Variants in COL4A4 observed in about 807,000 individuals in gnomAD.
COL4A4 encodes collagen alpha-4(IV) chain.
A neutral mutation model predicts 192.9 loss-of-function variants in COL4A4; 105 were observed. That is an observed-to-expected ratio of 0.54 (90% CI 0.46 to 0.64). The LOEUF (loss-of-function observed/expected upper bound fraction) is 0.64, where lower values mean the gene tolerates loss of function less well. COL4A4 is among the 30% of genes least tolerant of loss of function. The pLI is 0.00. For missense variants in COL4A4, 1,967 were observed against 2,169.3 expected, an observed-to-expected ratio of 0.91 and a Z score of 1.85; for synonymous variants, 762 against 769.9, an observed-to-expected ratio of 0.99 and a Z score of 0.17.
At chr2:227,157,298 C>T (rs2125514883) in intron 1 of COL4A4, among the ~76,000 whole-genome samples, 1 of 152,002 alleles carries the variant, frequency 6.6e-6, no homozygotes, top group African/African-American at 2.4e-5. Flanking sequence ...GCAACTAACC[C>T]AGTGCAGAAA....
intron 29 of COL4A4, among the ~76,000 whole-genome samples, chr2:227,056,888 A>C (rs536850689): frequency 6.6e-6 from 1 of 152,342 alleles, no homozygotes; most frequent in East Asian, 1.9e-4. Flanking sequence ...TGGACTTCCC[A>C]GCCTCCTGAG....
chr2:227,054,565 T>G (rs1001168403), intron 31 of COL4A4, 29 bp downstream of exon 31: 3 of 1,613,648 alleles, frequency 1.9e-6, no homozygotes, highest in Non-Finnish European at 1.7e-6. Flanking sequence ...CAGAAACAAA[T>G]GCATGTTGCA....
chr2:227,061,399 A>C (rs529037350), intron 26 of COL4A4, among the ~76,000 whole-genome samples: 9 of 152,180 alleles, frequency 5.9e-5, no homozygotes, highest in Non-Finnish European at 1.3e-4. Flanking sequence ...AGAGGTGTGG[A>C]GGGAGCCTGT....
At position 227,084,884 on chromosome 2, in the gene COL4A4, C is replaced by A. The variant is rs895323327; in HGVS notation, c.1624-2697G>T. 7.9e-5 allele frequency among the ~76,000 whole-genome samples: 12 copies of A among 152,242 alleles called. No homozygotes were observed. The South Asian group carries it at 2.3e-3, about 29-fold the overall frequency. On this transcript the variant is annotated intron_variant, in intron 22 of 47. Coordinates refer to ENST00000396625, the MANE Select transcript of COL4A4 (RefSeq NM_000092.5). The stretch of plus-strand genomic sequence containing the variant: ...CGGTGGCTCATGCCTGTAATCCCAG[C>A]ACTTTGGGAGGCTGAAGTGGGAAGA...
chr2:226,972,248 G>T, the COL4A4 span, among the ~76,000 whole-genome samples: 3 of 152,118 alleles, frequency 2.0e-5, no homozygotes, highest in African/African-American at 7.2e-5. Context: ...TCCCTGCAAA[G>T]GACATGATCT....
In COL4A4 at chr2:227,059,396, C is replaced by G. The variant is rs746435134; in HGVS notation, c.2383+9G>C. On this transcript the variant is annotated intron_variant, in intron 28 of 47. Transcript: ENST00000396625. ...TCTATGCACCAAAAGGACAGCAAAG[C>G]CCTCATACCTTCAGCCCCTGGACAT... The G allele has an allele frequency of 1.2e-5, 20 of 1,611,998 alleles. No individual in the cohort carries two copies. The highest frequency in any genetic ancestry group is 1.6e-5 in the Non-Finnish European group (19 of 1,178,124).
intron 29 of COL4A4, among the ~76,000 whole-genome samples, chr2:227,057,196 A>G (rs1169517622): frequency 1.3e-5 from 2 of 152,204 alleles, no homozygotes; most frequent in Non-Finnish European, 2.9e-5. Flanking sequence ...TCCTTGGCTC[A>G]GGGCTCCTCT....
At chr2:227,110,246 TAGG>T (rs1391681072) in intron 9 of COL4A4, among the ~76,000 whole-genome samples, 2 of 152,166 alleles carry the variant, frequency 1.3e-5, no homozygotes, top group African/African-American at 4.8e-5. Context: ...TTACTCTGTT[TAGG>T]AGGATGAACT....
At chr2:227,148,645 A>G (rs1205213383) in intron 1 of COL4A4, among the ~76,000 whole-genome samples, 1 of 152,182 alleles carries the variant, frequency 6.6e-6, no homozygotes, top group African/African-American at 2.4e-5. Context: ...TTATTGAGAT[A>G]AAATTTAATT....
chr2:227,060,302 A>C, intron 26 of COL4A4, 59 bp from the exon 27 acceptor site: 3 of 1,148,156 alleles, frequency 2.6e-6, no homozygotes, highest in Non-Finnish European at 3.9e-6. Context: ...TGTGAACAAA[A>C]TGAGATGATT....
intron 25 of COL4A4, among the ~76,000 whole-genome samples, chr2:227,073,932 G>C (rs912845228): frequency 5.9e-5 from 9 of 151,886 alleles, no homozygotes; most frequent in African/African-American, 2.2e-4. Context: ...TATAAGACCT[G>C]AAACTATCAA....
chr2:227,113,337 C>A (rs193228438), intron 8 of COL4A4, among the ~76,000 whole-genome samples: 1 of 152,262 alleles, frequency 6.6e-6, no homozygotes, highest in East Asian at 1.9e-4. Flanking sequence ...TAGGGATCTT[C>A]TGTTTCCCCT....
chr2:227,145,741 G>A (rs563514385), intron 2 of COL4A4, among the ~76,000 whole-genome samples: 1 of 152,060 alleles, frequency 6.6e-6, no homozygotes, highest in African/African-American at 2.4e-5. Flanking sequence ...CTGAGATGCC[G>A]ACAGACACTA....
At chr2:227,009,045 GGGAGAGAA>G (rs554175237) in intron 46 of COL4A4, among the ~76,000 whole-genome samples, 1 of 152,144 alleles carries the variant, frequency 6.6e-6, no homozygotes, top group African/African-American at 2.4e-5. Context: ...TGATGGCAGA[GGGAGAGAA>G]GGAGAGAAGG....
chr2:227,099,510 C>A, intron 18 of COL4A4, 110 bp downstream of exon 18: 1 of 959,232 alleles, frequency 1.0e-6, no homozygotes, highest in South Asian at 1.3e-5. Context: ...TTCGTGCATT[C>A]AGCCTGCCTA....
intron 44 of COL4A4, among the ~76,000 whole-genome samples, chr2:227,019,881 A>G (rs1166488912): frequency 6.6e-6 from 1 of 152,176 alleles, no homozygotes; most frequent in African/African-American, 2.4e-5. Flanking sequence ...TGGCCAGGCT[A>G]GTCTCAAACT....
At chr2:227,016,069 A>G (rs1964793173) in intron 44 of COL4A4, among the ~76,000 whole-genome samples, 1 of 150,306 alleles carries the variant, frequency 6.7e-6, no homozygotes, top group Non-Finnish European at 1.5e-5. Flanking sequence ...GCACCGCCCC[A>G]CCCCACCCCT....
intron 8 of COL4A4, among the ~76,000 whole-genome samples, chr2:227,113,719 C>T (rs2061345520): frequency 6.6e-6 from 1 of 152,182 alleles, no homozygotes; most frequent in Non-Finnish European, 1.5e-5. Context: ...ATCGTTCTTG[C>T]TGTTTAAGAA....
rs114914601 is a variant in COL4A4, at chr2:227,042,340, T to C, written c.3398-85A>G. On this transcript the variant is annotated intron_variant, in intron 36 of 47. Transcript: ENST00000396625. ...AAAAGTCATCTATGTTCTTAATATA[T>C]GGGTAACGGAGAACACTGTCTAATT... 2.4e-3 allele frequency: 1,860 copies of C among 778,072 alleles called. 18 individuals carry two copies. In the African/African-American group the frequency reaches 0.026, roughly 11 times the overall value. The allele number at this position is 778,072 out of a possible 1,614,324, so 48.2% of individuals were successfully genotyped here.
Sources: allele counts gnomAD v4.1 joint callset (sites outside exome capture counted in the v4.1 genomes callset), GRCh38; gene constraint gnomAD v4.1.1; transcripts MANE v1.5; gene names NCBI Gene and HGNC (gene_info 2026-07-23, HGNC 2026-07-21).